The following BABAM2 variants were observed in gnomAD, a reference collection of about 807,000 sequenced individuals.
BABAM2 encodes BRISC and BRCA1-A complex member 2.
BABAM2 carries 31 observed loss-of-function variants against 54.7 expected under a neutral mutation model. The ratio of observed to expected loss-of-function variants is 0.57; its 90% CI spans 0.43 to 0.77. The LOEUF (loss-of-function observed/expected upper bound fraction) is 0.77, where lower values mean the gene tolerates loss of function less well. Among genes scored for constraint, BABAM2 ranks in the 30% least tolerant of loss-of-function variants. The probability of loss-of-function intolerance (pLI) is 0.00; values close to 1 mark genes in which losing one functional copy is unlikely to be tolerated. For missense variants in BABAM2, 364 were observed against 455.8 expected, an observed-to-expected ratio of 0.80 and a Z score of 1.83; for synonymous variants, 167 against 162.9, an observed-to-expected ratio of 1.03 and a Z score of -0.19.
rs764380110 is a variant in BABAM2, at chr2:28,109,184, CTTTTTTTTTT to C, written c.571-20074_571-20065del. 6.9e-5 allele frequency among the ~76,000 whole-genome samples: 7 copies of C among 101,910 alleles called. No individual in the cohort carries two copies. In the South Asian group the frequency reaches 1.6e-3, roughly 24 times the overall value. 66.9% of individuals were successfully genotyped at this position (101,910 alleles called of 152,430 possible). On this transcript the variant is annotated intron_variant, in intron 6 of 11. Transcript: ENST00000379624. ...CTTTGCTGCTCTAAAGACACATACT[CTTTTTTTTTT>C]TTTTTTTTTTTTGAGACAGAGTCTC...
chr2:28,059,359 A>T (rs951928202), intron 6 of BABAM2, among the ~76,000 whole-genome samples: 5 of 152,122 alleles, frequency 3.3e-5, no homozygotes, highest in Non-Finnish European at 7.3e-5. Flanking sequence ...TCATATTATG[A>T]TCATATTATA....
intron 7 of BABAM2, among the ~76,000 whole-genome samples, chr2:28,187,381 G>A (rs1389399653): frequency 1.3e-5 from 2 of 152,120 alleles, no homozygotes; most frequent in African/African-American, 4.8e-5. Context: ...TTGCATGAGT[G>A]GATTCTTATA....
chr2:28,000,831 TC>T (rs1269757151), intron 4 of BABAM2, among the ~76,000 whole-genome samples: 8 of 152,232 alleles, frequency 5.3e-5, no homozygotes, highest in African/African-American at 1.7e-4. Flanking sequence ...TGGAAGTTCT[TC>T]CACTTGGTTC....
intron 4 of BABAM2, among the ~76,000 whole-genome samples, chr2:27,994,936 A>G (rs1436088689): frequency 2.0e-5 from 3 of 152,332 alleles, no homozygotes; most frequent in East Asian, 3.9e-4. Context: ...TAATTTGAAT[A>G]GGGAAAATTT....
Position 27,942,456 on chromosome 2 carries a change from G to A in BABAM2, c.205+12548G>A, listed in dbSNP as rs142869387. 2.8e-3 allele frequency among the ~76,000 whole-genome samples: 430 copies of A among 151,866 alleles called. 2 individuals are homozygous for A. The highest frequency in any genetic ancestry group is 0.01 in the African/African-American group (417 of 41,392). ...ACTCACAGCAACCTCTGCCTCCCTG[G>A]CTCAAGCAATCCCTCCACCTCAGCC... On this transcript the variant is annotated intron_variant, in intron 3 of 11. Transcript: ENST00000379624.
chr2:28,196,704 C>G (rs1677593742), intron 7 of BABAM2, among the ~76,000 whole-genome samples: 1 of 152,008 alleles, frequency 6.6e-6, no homozygotes, highest in Non-Finnish European at 1.5e-5. Flanking sequence ...TTTTAATTAG[C>G]TTGGCATGAT....
intron 6 of BABAM2, among the ~76,000 whole-genome samples, chr2:28,067,490 C>T (rs1663713772): frequency 6.6e-6 from 1 of 152,148 alleles, no homozygotes; most frequent in South Asian, 2.1e-4. Context: ...TGAAATCTTA[C>T]CCATCAGATA....
intron 2 of BABAM2, among the ~76,000 whole-genome samples, chr2:27,895,707 T>G (rs1665242075): frequency 6.6e-6 from 1 of 152,188 alleles, no homozygotes; most frequent in African/African-American, 2.4e-5. Context: ...TCCATTAATT[T>G]CAGCATCCAT....
chr2:28,209,595 T>C (rs1679239895), intron 7 of BABAM2, among the ~76,000 whole-genome samples: 1 of 152,226 alleles, frequency 6.6e-6, no homozygotes, highest in South Asian at 2.1e-4. Context: ...GCTCTAAGTG[T>C]ATGGTTTTGT....
chr2:27,896,334 C>A, intron 2 of BABAM2: 1 of 157,090 alleles, frequency 6.4e-6, no homozygotes, highest in South Asian at 1.9e-4. Flanking sequence ...CTAGTCTGGT[C>A]AGTATAGATA....
upstream of BABAM2, chr2:27,890,004 A>G: frequency 5.2e-6 from 2 of 386,466 alleles, no homozygotes; most frequent in Non-Finnish European, 9.3e-6. This position sits in a 1 kb window ranked among gnomAD's most constrained non-coding sequence, Gnocchi z 4.8. Flanking sequence ...GTCTTTGGGG[A>G]GCGCTTTGAG....
At chr2:27,963,426 C>A (rs753158662) in intron 3 of BABAM2, among the ~76,000 whole-genome samples, 1 of 137,360 alleles carries the variant, frequency 7.3e-6, no homozygotes, top group Non-Finnish European at 1.5e-5. Context: ...GCTGAGATTG[C>A]ACCACTGCAT....
intron 11 of BABAM2, among the ~76,000 whole-genome samples, chr2:28,323,361 T>C (rs1690189060): frequency 6.6e-6 from 1 of 152,010 alleles, no homozygotes; most frequent in Non-Finnish European, 1.5e-5. Flanking sequence ...ATGATGCTTG[T>C]GAAGGCTCTT....
chr2:28,216,918 C>T (rs1381712318), intron 7 of BABAM2, among the ~76,000 whole-genome samples: 1 of 152,190 alleles, frequency 6.6e-6, no homozygotes, highest in Non-Finnish European at 1.5e-5. Flanking sequence ...CTCATTTCCA[C>T]CTCAGGGCTT....
chr2:27,996,733 C>T (rs190334620), intron 4 of BABAM2, among the ~76,000 whole-genome samples: 1 of 152,278 alleles, frequency 6.6e-6, no homozygotes, highest in African/African-American at 2.4e-5. Flanking sequence ...GATTCTCAGC[C>T]TCCCTCCTGT....
At chr2:28,222,570 C>A (rs193064185) in intron 7 of BABAM2, among the ~76,000 whole-genome samples, 33 of 152,242 alleles carry the variant, frequency 2.2e-4, no homozygotes, top group Non-Finnish European at 2.8e-4. Flanking sequence ...GTTTGCATTC[C>A]CCTTTGTGCT....
intron 7 of BABAM2, among the ~76,000 whole-genome samples, chr2:28,162,207 A>T (rs1254492472): frequency 1.3e-5 from 2 of 152,204 alleles, no homozygotes; most frequent in Non-Finnish European, 2.9e-5. Context: ...AGGCCCACGT[A>T]AAGAGAGTAC....
At chr2:28,046,465 AC>A (rs1312885158) in intron 6 of BABAM2, among the ~76,000 whole-genome samples, 12 of 152,182 alleles carry the variant, frequency 7.9e-5, no homozygotes, top group Non-Finnish European at 1.6e-4. Context: ...ATCTCAAAAA[AC>A]AAAAAACAAC....
chr2:28,208,390 T>C (rs1679101873), intron 7 of BABAM2, among the ~76,000 whole-genome samples: 1 of 152,184 alleles, frequency 6.6e-6, no homozygotes, highest in Non-Finnish European at 1.5e-5. Flanking sequence ...ACCTTTAAAT[T>C]TTGTATTGTT....
Sources: allele counts gnomAD v4.1 joint callset (sites outside exome capture counted in the v4.1 genomes callset), GRCh38; gene constraint gnomAD v4.1.1; non-coding constraint Gnocchi (gnomAD v3.1); transcripts MANE v1.5; gene names NCBI Gene and HGNC (gene_info 2026-07-23, HGNC 2026-07-21).